DOK6: variants seen among roughly 807,000 people sequenced by gnomAD.
DOK6 encodes docking protein 6, also known as downstream of tyrosine kinase 6.
DOK6 carries 22 observed loss-of-function variants against 44.0 expected under a neutral mutation model. That is an observed-to-expected ratio of 0.50 (90% CI 0.36 to 0.71). The LOEUF is 0.71. Among genes scored for constraint, DOK6 ranks in the 30% least tolerant of loss-of-function variants. DOK6 has a pLI of 0.00. For missense variants in DOK6, 340 were observed against 416.4 expected, an observed-to-expected ratio of 0.82 and a Z score of 1.60; for synonymous variants, 166 against 145.5, an observed-to-expected ratio of 1.14 and a Z score of -1.01.
intron 1 of DOK6, among the ~76,000 whole-genome samples, chr18:69,474,824 T>C (rs1568269700): frequency 6.6e-6 from 1 of 152,188 alleles, no homozygotes; most frequent in Non-Finnish European, 1.5e-5. Flanking sequence ...TGTTAGCAAA[T>C]GGATATAACC....
intron 1 of DOK6, among the ~76,000 whole-genome samples, chr18:69,516,144 G>A (rs1310131067): frequency 2.6e-5 from 4 of 152,196 alleles, no homozygotes; most frequent in African/African-American, 9.7e-5. Context: ...CACCCTGGTG[G>A]AGTGCGTATA....
chr18:69,642,423 C>T (rs1846102715), intron 3 of DOK6, among the ~76,000 whole-genome samples: 2 of 152,106 alleles, frequency 1.3e-5, no homozygotes, highest in South Asian at 4.1e-4. Flanking sequence ...GTAGTCCCAG[C>T]TACTTTGGAG....
chr18:69,766,858 A>G (rs1979732589), intron 7 of DOK6, among the ~76,000 whole-genome samples: 1 of 152,026 alleles, frequency 6.6e-6, no homozygotes, highest in Admixed American at 6.6e-5. Flanking sequence ...TATTTATTCC[A>G]GTGTTGACTT....
At chr18:69,751,566 C>A (rs1050374370) in intron 6 of DOK6, among the ~76,000 whole-genome samples, 4 of 152,070 alleles carry the variant, frequency 2.6e-5, no homozygotes, top group African/African-American at 9.7e-5. Flanking sequence ...TAGAGAGATT[C>A]TACATCAGTG....
At chr18:69,840,257 C>A (rs1426019773) in intron 7 of DOK6, among the ~76,000 whole-genome samples, 1 of 152,252 alleles carries the variant, frequency 6.6e-6, no homozygotes, top group Admixed American at 6.5e-5. Flanking sequence ...AAATCAGACT[C>A]AGCACAGTCC....
At chr18:69,751,107 G>A (rs770199818) in intron 6 of DOK6, among the ~76,000 whole-genome samples, 16 of 152,210 alleles carry the variant, frequency 1.1e-4, no homozygotes, top group South Asian at 6.2e-4. Context: ...CTAGGGGCTC[G>A]GGGGCAACAG....
At chr18:69,563,976 CAA>C (rs1478246610) in intron 1 of DOK6, among the ~76,000 whole-genome samples, 2 of 151,996 alleles carry the variant, frequency 1.3e-5, no homozygotes, top group African/African-American at 4.8e-5. Context: ...TACAGAAGTT[CAA>C]AAGTGTGAGA....
intron 2 of DOK6, among the ~76,000 whole-genome samples, chr18:69,580,681 G>A (rs898389902): frequency 5.9e-5 from 9 of 151,958 alleles, no homozygotes; most frequent in Admixed American, 2.0e-4. Flanking sequence ...TCTTTGTGTT[G>A]AGAATGTTAA....
chr18:69,406,570 C>A (rs1916209750), intron 1 of DOK6, among the ~76,000 whole-genome samples: 1 of 152,126 alleles, frequency 6.6e-6, no homozygotes, highest in Admixed American at 6.5e-5. Flanking sequence ...GCAAGGTGAA[C>A]TTTAAAAATG....
intron 1 of DOK6, among the ~76,000 whole-genome samples, chr18:69,560,303 G>C: frequency 6.6e-6 from 1 of 152,110 alleles, no homozygotes; most frequent in Non-Finnish European, 1.5e-5. Context: ...ACAAAAGTGT[G>C]AATTTCACTA....
At chr18:69,730,168 C>T (rs1355826069) in intron 5 of DOK6, among the ~76,000 whole-genome samples, 1 of 152,220 alleles carries the variant, frequency 6.6e-6, no homozygotes, top group Non-Finnish European at 1.5e-5. Flanking sequence ...CCTGCTCTGA[C>T]ATCTGCAGGA....
chr18:69,619,189 C>T (rs1174486183), intron 3 of DOK6, among the ~76,000 whole-genome samples: 1 of 152,192 alleles, frequency 6.6e-6, no homozygotes, highest in Non-Finnish European at 1.5e-5. Context: ...GAACGTGGAA[C>T]GCAATACTCA....
chr18:69,507,202 T>A (rs1394140492), intron 1 of DOK6, among the ~76,000 whole-genome samples: 1 of 152,024 alleles, frequency 6.6e-6, no homozygotes, highest in Non-Finnish European at 1.5e-5. Flanking sequence ...TAATTTTTTG[T>A]ATTTTCAGTA....
Position 69,504,276 on chromosome 18 carries a change from T to G in DOK6, c.67-60211T>G, listed in dbSNP as rs1224781823. ...CTCTAAGTTTTAAAGTTTAAATCTC[T>G]AAGTCTTAATTGAAACTGTCCCAAC... On this transcript the variant is annotated intron_variant, in intron 1 of 7. Transcript: ENST00000382713. 5.6e-4 allele frequency among the ~76,000 whole-genome samples: 85 copies of G among 152,054 alleles called. 1 individual carries two copies. Among genetic ancestry groups the G allele is most frequent in the Admixed American group, 5.6e-3 (85 of 15,260 alleles).
intron 7 of DOK6, among the ~76,000 whole-genome samples, chr18:69,801,017 T>C (rs1037066956): frequency 1.3e-5 from 2 of 152,184 alleles, no homozygotes; most frequent in Admixed American, 6.6e-5. Context: ...AATTGATTCA[T>C]ATCTCCCAGA....
intron 1 of DOK6, among the ~76,000 whole-genome samples, chr18:69,498,863 A>G (rs1980970862): frequency 1.3e-5 from 2 of 152,188 alleles, no homozygotes; most frequent in Non-Finnish European, 2.9e-5. Context: ...CCTGCCTGAA[A>G]ACAAATTTTC....
rs149484372 is a variant in DOK6 at position 69,612,834 on chromosome 18, T to C, written c.289+13336T>C. 5.2e-4 allele frequency among the ~76,000 whole-genome samples: 79 copies of C among 152,298 alleles called. 1 individual carries two copies. In the East Asian group the frequency reaches 0.015, roughly 29 times the overall value. ...ATACTTGTTTTATCTTAATGATATA[T>C]TTATATTTTTTGGATAATTATTTTT... On this transcript the variant is annotated intron_variant, in intron 3 of 7. Coordinates refer to ENST00000382713, the MANE Select transcript of DOK6 (RefSeq NM_152721.6).
chr18:69,624,071 G>A (rs1984502118), intron 3 of DOK6, among the ~76,000 whole-genome samples: 1 of 152,096 alleles, frequency 6.6e-6, no homozygotes, highest in African/African-American at 2.4e-5. Context: ...ATAGAGTAGG[G>A]AACAATGAAC....
chr18:69,506,790 A>G (rs979967002), intron 1 of DOK6, among the ~76,000 whole-genome samples: 1 of 151,976 alleles, frequency 6.6e-6, no homozygotes, highest in African/African-American at 2.4e-5. Context: ...TGGTGTGTGT[A>G]CATTCAGTAT....
Sources: gnomAD v4.1 joint callset for allele counts (sites outside exome capture counted in the v4.1 genomes callset) on GRCh38, gnomAD v4.1.1 for gene constraint, MANE v1.5 for transcripts, NCBI Gene and HGNC (gene_info 2026-07-23, HGNC 2026-07-21) for gene names.